CLEC7A: variants seen among roughly 807,000 people sequenced by gnomAD.
The protein encoded by CLEC7A is C-type lectin domain family 7 member A.
A neutral mutation model predicts 26.9 loss-of-function variants in CLEC7A; 25 were observed. The ratio of observed to expected loss-of-function variants is 0.93; its 90% confidence interval spans 0.68 to 1.30. CLEC7A has a LOEUF of 1.30. Ranked by LOEUF, CLEC7A falls within the 50% of genes most tolerant of loss-of-function variation. The pLI, the probability that CLEC7A is intolerant of heterozygous loss-of-function variation, is 0.00. For missense variants in CLEC7A, 275 were observed against 286.7 expected, an observed-to-expected ratio of 0.96 and a Z score of 0.29; for synonymous variants, 100 against 99.5, an observed-to-expected ratio of 1.01 and a Z score of -0.03.
intron 2 of CLEC7A, chr12:10,126,974 A>C: frequency 8.4e-7 from 1 of 1,186,872 alleles, no homozygotes; most frequent in South Asian, 1.6e-5. Flanking sequence ...TGAGGGAGGC[A>C]GCAAGAGGCA....
intron 4 of CLEC7A, chr12:10,124,909 T>C: frequency 5.2e-6 from 1 of 192,744 alleles, no homozygotes; most frequent in Non-Finnish European, 1.1e-5. Flanking sequence ...ATATTAAAAA[T>C]GAATTTTGGC....
At position 10,118,602 on chromosome 12, in the gene CLEC7A, G is replaced by A. The variant is rs749921680; in HGVS notation, c.612-12C>T. ...TTCTGATCTGAAATCTGTTAAAATA[G>A]AATACAGTGAGGTAATTAGAACAAA... On this transcript the variant is annotated splice_polypyrimidine_tract_variant and intron_variant, in intron 5 of 5. Transcript: ENST00000304084. The A allele has an allele frequency of 3.1e-6, 5 of 1,608,868 alleles. No homozygotes were observed. The Admixed American group carries it at 8.5e-5, about 27-fold the overall frequency.
intron 1 of CLEC7A, among the ~76,000 whole-genome samples, chr12:10,128,716 T>C (rs1390261543): frequency 6.6e-6 from 1 of 152,202 alleles, no homozygotes; most frequent in Non-Finnish European, 1.5e-5. Flanking sequence ...AGGTGTGTTG[T>C]TGCAGGATAC....
intron 3 of CLEC7A, chr12:10,126,290 T>G: frequency 2.0e-6 from 2 of 982,958 alleles, no homozygotes; most frequent in Non-Finnish European, 2.4e-6. Flanking sequence ...TATGATCTCC[T>G]GTAGATCTAA....
chr12:10,128,358 CCTT>C (rs143283801), intron 1 of CLEC7A, among the ~76,000 whole-genome samples: 3,767 of 152,148 alleles, frequency 0.025, 171 homozygotes, highest in African/African-American at 0.085. Context: ...AGTAAGGATA[CCTT>C]CTTCTTCAAT....
At chr12:10,128,906 G>A (rs189818300) in intron 1 of CLEC7A, among the ~76,000 whole-genome samples, 5 of 152,270 alleles carry the variant, frequency 3.3e-5, no homozygotes, top group East Asian at 1.9e-4. Flanking sequence ...TGTCAAAACC[G>A]ACAAATGATC....
intron 5 of CLEC7A, among the ~76,000 whole-genome samples, chr12:10,122,505 T>G (rs1948125608): frequency 6.8e-6 from 1 of 147,024 alleles, no homozygotes; most frequent in Admixed American, 6.7e-5. Context: ...TTTTTTTTTT[T>G]GAGTTGGAGT....
At chr12:10,127,413 A>G in intron 2 of CLEC7A, 3 of 1,613,952 alleles carry the variant, frequency 1.9e-6, no homozygotes, top group Admixed American at 1.7e-5. Flanking sequence ...TCATTAATTT[A>G]TCCTTTGAAT....
intron 2 of CLEC7A, chr12:10,127,168 A>G: frequency 5.7e-6 from 6 of 1,058,802 alleles, no homozygotes; most frequent in Non-Finnish European, 7.9e-6. Flanking sequence ...GACTGACAAC[A>G]GATTGCATGT....
chr12:10,118,946 T>C (rs1167986211), intron 5 of CLEC7A, among the ~76,000 whole-genome samples: 1 of 152,170 alleles, frequency 6.6e-6, no homozygotes, highest in Non-Finnish European at 1.5e-5. Context: ...AACAGTTTAA[T>C]TAAATTATTA....
chr12:10,120,358 A>T (rs1296838061), intron 5 of CLEC7A, among the ~76,000 whole-genome samples: 1 of 152,190 alleles, frequency 6.6e-6, no homozygotes, highest in African/African-American at 2.4e-5. Context: ...ACCTCTCAAA[A>T]ACAACAGTAA....
At chr12:10,126,519 C>A in intron 3 of CLEC7A, 52 bp downstream of exon 3, 1 of 1,541,834 alleles carries the variant, frequency 6.5e-7, no homozygotes, top group South Asian at 1.2e-5. Context: ...GGCTTCAGCA[C>A]CAAGAATTAA....
At chr12:10,129,890 T>A (rs1948431682) in intron 1 of CLEC7A, 90 bp downstream of exon 1, 2 of 732,592 alleles carry the variant, frequency 2.7e-6, no homozygotes, top group Admixed American at 4.5e-5. Flanking sequence ...AGTGCTGGGA[T>A]TACAGGTGTG....
intron 5 of CLEC7A, among the ~76,000 whole-genome samples, chr12:10,120,708 G>C (rs1024577202): frequency 2.0e-5 from 3 of 150,816 alleles, no homozygotes; most frequent in Non-Finnish European, 3.0e-5. Context: ...GATTATAGGC[G>C]TGAGTCCCCG....
chr12:10,125,206 AT>A lies in CLEC7A; in HGVS notation c.492+90del, dbSNP rs2137442167. 4 of 1,198,686 alleles carry A rather than the reference AT, an allele frequency of 3.3e-6. No homozygotes were observed. The East Asian group carries it at 9.7e-5, about 29-fold the overall frequency. 74.3% of individuals were successfully genotyped at this position (1,198,686 alleles called of 1,614,324 possible). On this transcript the variant is annotated intron_variant, in intron 4 of 5. Transcript: ENST00000304084. ...AAAAAAAAAAAAAAAAAAAGACTTC[AT>A]TTTAGGAAAAATTGTCATTACCTGG...
chr12:10,121,091 TGAG>T (rs1319010296), intron 5 of CLEC7A, among the ~76,000 whole-genome samples: 3 of 151,042 alleles, frequency 2.0e-5, no homozygotes, highest in African/African-American at 7.3e-5. Context: ...GCATATAAAT[TGAG>T]GAGAGAGTCA....
At position 10,118,885 on chromosome 12, in the gene CLEC7A, C is replaced by A. The variant is rs114134651; in HGVS notation, c.612-295G>T. 7.4e-3 allele frequency among the ~76,000 whole-genome samples: 1,125 copies of A among 152,018 alleles called. 23 individuals are homozygous for A. Among genetic ancestry groups the A allele is most frequent in the African/African-American group, 0.026 (1,057 of 41,444 alleles). ...ATCATTTAATATTCTATAAAAAGTT[C>A]TTTATATATCTTTCAGCCTATTACT... On this transcript the variant is annotated intron_variant, in intron 5 of 5. Coordinates refer to ENST00000304084, the MANE Select transcript of CLEC7A (RefSeq NM_197947.3).
intron 4 of CLEC7A, 172 bp downstream of exon 4, chr12:10,125,125 G>T: frequency 1.4e-6 from 1 of 695,506 alleles, no homozygotes; most frequent in Non-Finnish European, 2.6e-6. Flanking sequence ...ACTTGAGCCT[G>T]GGATGTCGCG....
rs778527263 is a variant in CLEC7A at position 10,126,668 on chromosome 12, A to G, written c.243T>C (p.Asn81=). The G allele has an allele frequency of 3.7e-6, 6 of 1,613,058 alleles. No homozygotes were observed. Among genetic ancestry groups the G allele is most frequent in the Non-Finnish European group, 5.1e-6 (6 of 1,179,602 alleles). ...RSNSGSNTLE[N]GYFLSRNKEN... is the part of the protein sequence containing the mutation. ...CTTTATTTCTTGATAGAAAGTAGCC[A>G]TTCTCCAATGTGTTGCTTCCTGAAT... The change falls in exon 3 of 6, where the codon AAT becomes AAC. Residue 81 remains asparagine (N), a synonymous_variant. Transcript: ENST00000304084.
Sources: gnomAD v4.1 joint callset for allele counts (sites outside exome capture counted in the v4.1 genomes callset) on GRCh38, gnomAD v4.1.1 for gene constraint, MANE v1.5 for transcripts, NCBI Gene and HGNC (gene_info 2026-07-23, HGNC 2026-07-21) for gene names.